R3HDM4: variants seen among roughly 807,000 people sequenced by gnomAD.
The protein encoded by R3HDM4 is R3H domain containing 4.
Under a neutral mutation model 31.3 loss-of-function variants are expected in R3HDM4, and 30 were observed. That is an observed-to-expected ratio of 0.96 (90% confidence interval 0.72 to 1.30). R3HDM4 has a LOEUF of 1.30. Ranked by LOEUF, R3HDM4 falls within the 50% of genes most tolerant of loss-of-function variation. R3HDM4 has a pLI of 0.00. For synonymous variants in R3HDM4, 196 were observed against 156.6 expected (o/e 1.25, Z -1.88); for missense variants, 444 against 366.1 (o/e 1.21, Z -1.74).
chr19:909,060 A>G (rs2036940442), intron 1 of R3HDM4, among the ~76,000 whole-genome samples: 1 of 152,142 alleles, frequency 6.6e-6, no homozygotes. Flanking sequence ...GAAACTGAGG[A>G]CCCAGCGGGG....
intron 1 of R3HDM4, among the ~76,000 whole-genome samples, chr19:904,073 C>G (rs1472232943): frequency 6.6e-6 from 1 of 152,014 alleles, no homozygotes; most frequent in Non-Finnish European, 1.5e-5. Context: ...AACAAAAAAC[C>G]GTAATGCTAG....
chr19:902,301 C>T (rs1050409522), intron 1 of R3HDM4, 171 bp from the exon 2 acceptor site: 2 of 666,304 alleles, frequency 3.0e-6, no homozygotes, highest in Non-Finnish European at 5.0e-6. Context: ...CCTCACATCA[C>T]AGGAAGCAGA....
intron 7 of R3HDM4, among the ~76,000 whole-genome samples, chr19:898,050 C>T (rs2036763536): frequency 6.6e-6 from 1 of 152,030 alleles, no homozygotes; most frequent in East Asian, 1.9e-4. Context: ...GGAGGATCAT[C>T]TGAGGTCAGG....
intron 1 of R3HDM4, among the ~76,000 whole-genome samples, chr19:909,444 TGAGAGC>T (rs1174669609): frequency 6.6e-6 from 1 of 152,050 alleles, no homozygotes; most frequent in Non-Finnish European, 1.5e-5. Flanking sequence ...GACTGACGGC[TGAGAGC>T]GGAAACATGA....
At chr19:909,176 G>A (rs1165564499) in intron 1 of R3HDM4, among the ~76,000 whole-genome samples, 1 of 152,162 alleles carries the variant, frequency 6.6e-6, no homozygotes. Flanking sequence ...CAGGCCTCCC[G>A]GCCACTCCCA....
chr19:904,082 A>G (rs1487600220), intron 1 of R3HDM4, among the ~76,000 whole-genome samples: 2 of 152,090 alleles, frequency 1.3e-5, no homozygotes, highest in Non-Finnish European at 2.9e-5. Flanking sequence ...CCGTAATGCT[A>G]GCTCCACTGG....
chr19:911,576 C>G (rs1036838078), intron 1 of R3HDM4, among the ~76,000 whole-genome samples: 4 of 152,382 alleles, frequency 2.6e-5, no homozygotes, highest in Middle Eastern at 3.4e-3. Flanking sequence ...AGAGGCCACA[C>G]TTACTATCCC....
At chr19:904,315 A>ACCG (rs145510900) in intron 1 of R3HDM4, among the ~76,000 whole-genome samples, 24 of 152,088 alleles carry the variant, frequency 1.6e-4, no homozygotes, top group African/African-American at 5.8e-4. Flanking sequence ...TGTAACCCCC[A>ACCG]CCGCCGGCAC....
chr19:912,428 G>C (rs1264760604), intron 1 of R3HDM4, among the ~76,000 whole-genome samples: 3 of 121,704 alleles, frequency 2.5e-5, no homozygotes, highest in Non-Finnish European at 5.2e-5. Flanking sequence ...ACGGACCAGG[G>C]AGTTGGGGGG....
intron 1 of R3HDM4, among the ~76,000 whole-genome samples, chr19:909,882 G>A (rs773167507): frequency 6.6e-6 from 1 of 151,928 alleles, no homozygotes; most frequent in Non-Finnish European, 1.5e-5. Flanking sequence ...GGTGGTTCAA[G>A]GCCCCCTTAG....
At chr19:902,374 C>T (rs1232564660) in intron 1 of R3HDM4, 4 of 507,728 alleles carry the variant, frequency 7.9e-6, no homozygotes, top group Non-Finnish European at 1.4e-5. Flanking sequence ...TTGTGGGAGG[C>T]TGAGGCCGGT....
At position 900,896 on chromosome 19, in the gene R3HDM4, G is replaced by GTAGCGAAGAACCCGCTC; in HGVS notation, c.391_407dup (p.Tyr136Ter). On this transcript the variant is annotated stop_gained and frameshift_variant, in exon 4 of 8. Transcript: ENST00000361574. LOFTEE classifies it high-confidence loss of function. ...CCTTGCTCCTGCCCTCATCCTCCAG[G>GTAGCGAAGAACCCGCTC]TAGCGAAGAACCCGCTCCTGCTCCT... The GTAGCGAAGAACCCGCTC allele has an allele frequency of 6.2e-7, 1 of 1,603,450 alleles. No individual in the cohort carries two copies. Among genetic ancestry groups the GTAGCGAAGAACCCGCTC allele is most frequent in the Non-Finnish European group, 8.5e-7 (1 of 1,176,686 alleles).
chr19:910,466 A>G (rs1250930051), intron 1 of R3HDM4, among the ~76,000 whole-genome samples: 1 of 151,122 alleles, frequency 6.6e-6, no homozygotes, highest in Admixed American at 6.6e-5. Flanking sequence ...GAGACCCTGT[A>G]TTAATAATAC....
At chr19:897,683 C>T (rs2036758791) in intron 7 of R3HDM4, 143 bp from the exon 8 acceptor site, 5 of 650,954 alleles carry the variant, frequency 7.7e-6, no homozygotes, top group Non-Finnish European at 1.3e-5. Context: ...GCCTGGCTGG[C>T]CCTAAGCCCG....
At chr19:905,740 G>C (rs961393052) in intron 1 of R3HDM4, among the ~76,000 whole-genome samples, 3 of 151,182 alleles carry the variant, frequency 2.0e-5, no homozygotes, top group Non-Finnish European at 4.4e-5. Flanking sequence ...GCCTGAAGCA[G>C]GAAGGGGACG....
rs2036743173 is a variant in R3HDM4, at chr19:896,764, G to T, written c.*673C>A. 1 of 152,628 alleles carries T rather than the reference G, an allele frequency of 6.6e-6. No homozygotes were observed. Among genetic ancestry groups the T allele is most frequent in the South Asian group, 2.1e-4 (1 of 4,842 alleles). 9.5% of individuals were successfully genotyped at this position (152,628 alleles called of 1,614,324 possible). On this transcript the variant is annotated 3_prime_UTR_variant, in exon 8 of 8. Coordinates refer to ENST00000361574, the MANE Select transcript of R3HDM4 (RefSeq NM_138774.4). The surrounding 1 kb of genome is among the most constrained non-coding windows in gnomAD (Gnocchi z 4.0). ...CCCAGCATAAAGGAGGGGAGGAAAG[G>T]AAGGGGGCTCATATAAAGCAGGAGA...
At chr19:901,856 CT>C in intron 2 of R3HDM4, 119 bp downstream of exon 2, 1 of 1,298,242 alleles carries the variant, frequency 7.7e-7, no homozygotes, top group Non-Finnish European at 1.1e-6. Flanking sequence ...GCTGACACCT[CT>C]TTGGGTCCCC....
rs545284139 is a variant in R3HDM4 at position 911,969 on chromosome 19, T to C, written c.71+1118A>G. Among the ~76,000 whole-genome samples, 1,250 of 148,684 alleles carry C rather than the reference T, an allele frequency of 8.4e-3. 9 individuals carry two copies. The highest frequency in any genetic ancestry group is 0.012 in the Non-Finnish European group (833 of 67,072). On this transcript the variant is annotated intron_variant, in intron 1 of 7. Transcript: ENST00000361574. The stretch of plus-strand genomic sequence containing the variant: ...GCGGCAGGGACCAGGCTGGAGCGCA[T>C]GGCCACGTGGGTGAACCCCGACCCG...
rs138811757 is a variant in R3HDM4 at position 897,405 on chromosome 19, G to A, written c.*32C>T. ...GTATCGGAGGGCTTGATGGCTGGGCGAGGTGGCAGCGGGGTCTCCGCGGGG... is the reference window on the plus strand; with the variant it reads ...GTATCGGAGGGCTTGATGGCTGGGCAAGGTGGCAGCGGGGTCTCCGCGGGG... On this transcript the variant is annotated 3_prime_UTR_variant, in exon 8 of 8. Transcript: ENST00000361574. The A allele has an allele frequency of 8.5e-4, 1,261 of 1,482,476 alleles. 12 individuals carry two copies. The African/African-American group carries it at 0.015, about 17-fold the overall frequency. 91.8% of individuals were successfully genotyped at this position (1,482,476 alleles called of 1,614,324 possible).
Sources: allele counts gnomAD v4.1 joint callset (sites outside exome capture counted in the v4.1 genomes callset), GRCh38; gene constraint gnomAD v4.1.1; non-coding constraint Gnocchi (gnomAD v3.1); transcripts MANE v1.5; gene names NCBI Gene and HGNC (gene_info 2026-07-23, HGNC 2026-07-21).